The following PKP2 variants were observed in gnomAD, a reference collection of about 807,000 sequenced individuals.
The protein encoded by PKP2 is plakophilin-2.
Under a neutral mutation model 83.4 loss-of-function variants are expected in PKP2, and 73 were observed. The ratio of observed to expected loss-of-function variants is 0.88; its 90% CI spans 0.72 to 1.06. The LOEUF (loss-of-function observed/expected upper bound fraction) is 1.06. Ranked by LOEUF, PKP2 falls within the 50% of genes least tolerant of loss-of-function variation. The pLI is 0.00. For synonymous variants in PKP2, 409 were observed against 430.4 expected (o/e 0.95, Z 0.62); for missense variants, 966 against 1,065.4 (o/e 0.91, Z 1.30).
At chr12:32,829,817 C>T (rs774604747) in intron 6 of PKP2, among the ~76,000 whole-genome samples, 1 of 152,014 alleles carries the variant, frequency 6.6e-6, no homozygotes, top group Non-Finnish European at 1.5e-5. Flanking sequence ...TGTGCCACTG[C>T]GCCCAGCTAA....
chr12:32,840,539 T>A (rs1956580289), intron 6 of PKP2, among the ~76,000 whole-genome samples: 5 of 152,120 alleles, frequency 3.3e-5, no homozygotes, highest in Admixed American at 3.3e-4. Context: ...CCTCAACTGA[T>A]CCTTCTGCCT....
At chr12:32,889,120 C>T (rs972489753) in intron 1 of PKP2, among the ~76,000 whole-genome samples, 2 of 151,984 alleles carry the variant, frequency 1.3e-5, no homozygotes, top group East Asian at 3.9e-4. Context: ...CTATAAGGGA[C>T]ACAACTGAAC....
chr12:32,853,986 A>G (rs1956723665), intron 4 of PKP2, among the ~76,000 whole-genome samples: 1 of 152,254 alleles, frequency 6.6e-6, no homozygotes, highest in Non-Finnish European at 1.5e-5. Flanking sequence ...TTCACACTTT[A>G]TAAGCTTCAT....
intron 5 of PKP2, among the ~76,000 whole-genome samples, chr12:32,846,675 G>T (rs1035307387): frequency 6.6e-6 from 1 of 150,406 alleles, no homozygotes; most frequent in African/African-American, 2.5e-5. Context: ...AATCTGGGAG[G>T]CAGAGGTTGC....
chr12:32,797,334 T>G (rs1455792480), intron 10 of PKP2, among the ~76,000 whole-genome samples: 1 of 147,930 alleles, frequency 6.8e-6, no homozygotes, highest in East Asian at 2.1e-4. Context: ...TAGTCCCTGC[T>G]ACTCAGGAGG....
At chr12:32,838,824 G>C (rs118012748) in intron 6 of PKP2, among the ~76,000 whole-genome samples, 1 of 152,214 alleles carries the variant, frequency 6.6e-6, no homozygotes, top group Admixed American at 6.5e-5. Context: ...GACAAAATCA[G>C]TAACAGTGGT....
At chr12:32,821,639 A>G (rs763925737) in intron 8 of PKP2, 110 bp from the exon 9 acceptor site, 2 of 1,035,206 alleles carry the variant, frequency 1.9e-6, no homozygotes, top group Non-Finnish European at 2.9e-6. Context: ...CATAATTTGC[A>G]TAAGAAGCCC....
chr12:32,821,454 T>C lies in PKP2; in HGVS notation c.1915A>G (p.Ile639Val), dbSNP rs1956376437. ...GCGATCAAGGACAGATACATCCTTATAACAATGGAATGCCACAGCCACTCC... is the reference window on the plus strand; with the variant it reads ...GCGATCAAGGACAGATACATCCTTACAACAATGGAATGCCACAGCCACTCC... ...GVEWLWHSIV[I>V]RMYLSLIAKS... The change falls in exon 9 of 13, where the codon ATA becomes GTA. Residue 639 changes from isoleucine to valine, a missense_variant. By Grantham distance (29) the Ile-to-Val change is conservative. Transcript: ENST00000340811. 1.9e-6 allele frequency: 3 copies of C among 1,614,084 alleles called. No individual in the cohort carries two copies. The East Asian group carries it at 6.7e-5, about 36-fold the overall frequency.
intron 4 of PKP2, among the ~76,000 whole-genome samples, chr12:32,864,516 C>G: frequency 6.6e-6 from 1 of 151,974 alleles, no homozygotes; most frequent in East Asian, 1.9e-4. Context: ...TAAAACTCTG[C>G]TGAGAAAAAC....
At chr12:32,816,785 G>A (rs1276960787) in intron 9 of PKP2, among the ~76,000 whole-genome samples, 1 of 148,598 alleles carries the variant, frequency 6.7e-6, no homozygotes, top group Non-Finnish European at 1.5e-5. Context: ...GCCATTCTAA[G>A]TGGTATGAGA....
In PKP2 at chr12:32,796,167, G is replaced by A. The variant is rs139734328; in HGVS notation, c.2299C>T (p.Arg767Cys). 5.6e-5 allele frequency: 90 copies of A among 1,614,046 alleles called. No homozygotes were observed. The highest frequency in any genetic ancestry group is 8.3e-5 in the Admixed American group (5 of 60,006). The change falls in exon 11 of 13, where the codon CGC becomes TGC. Residue 767 changes from arginine (R) to cysteine (C), a missense_variant. Arg to Cys is a radical substitution (Grantham distance 180, BLOSUM62 -3). Transcript: ENST00000340811. ...NIIQNSYQNA[R>C]DLLNTGGIQK... is the part of the protein sequence containing the mutation. Reference sequence around the variant, plus strand: ...ATGCCCCCGGTGTTTAGAAGGTCGCGTGCATTCTGGTAACTGTTTTGGATT... The same window carrying A: ...ATGCCCCCGGTGTTTAGAAGGTCGCATGCATTCTGGTAACTGTTTTGGATT...
intron 6 of PKP2, among the ~76,000 whole-genome samples, chr12:32,825,941 C>T (rs192083333): frequency 4.7e-4 from 71 of 152,070 alleles, no homozygotes; most frequent in African/African-American, 1.7e-3. Flanking sequence ...TTCCAAAAGG[C>T]CTTCTGCCTC....
In PKP2 at chr12:32,841,149, C is replaced by A. The variant is rs766622938; in HGVS notation, c.1435G>T (p.Ala479Ser). 5.0e-6 allele frequency: 8 copies of A among 1,613,476 alleles called. No individual in the cohort carries two copies. In the East Asian group the frequency reaches 1.1e-4, roughly 22 times the overall value. ...ATATTCTCCGTCAGCGTAAGCAATG[C>A]TTCTGTTATCATGAGATTCTTGAGT... is the stretch of plus-strand genomic sequence containing the variant. The part of the protein sequence containing the change: ...DKLKNLMITE[A>S]LLTLTENIII... Residue 479 changes from alanine to serine, a missense_variant, in exon 6 of 13, where the codon GCA (alanine) becomes TCA (serine). Transcript: ENST00000340811.
chr12:32,875,024 C>G (rs11612954), intron 3 of PKP2, among the ~76,000 whole-genome samples: 1 of 152,036 alleles, frequency 6.6e-6, no homozygotes, highest in Admixed American at 6.5e-5. Flanking sequence ...GCTAGGATTA[C>G]AGATGTGAGC....
At chr12:32,845,325 G>A (rs1473243218) in intron 5 of PKP2, among the ~76,000 whole-genome samples, 1 of 152,164 alleles carries the variant, frequency 6.6e-6, no homozygotes, top group Non-Finnish European at 1.5e-5. Context: ...GCCGAGGGGG[G>A]CGGATCACGA....
intron 5 of PKP2, among the ~76,000 whole-genome samples, chr12:32,842,875 A>T (rs1956609032): frequency 6.6e-6 from 1 of 151,682 alleles, no homozygotes; most frequent in Admixed American, 6.6e-5. Flanking sequence ...GGGTTTCACC[A>T]TGTTGGCCAG....
intron 5 of PKP2, among the ~76,000 whole-genome samples, chr12:32,849,494 C>T (rs1257108113): frequency 6.6e-6 from 1 of 152,234 alleles, no homozygotes; most frequent in Non-Finnish European, 1.5e-5. Flanking sequence ...GCTGGGATTA[C>T]AGGCATGAGC....
intron 11 of PKP2, 63 bp from the exon 12 acceptor site, chr12:32,792,794 G>T: frequency 7.7e-7 from 1 of 1,295,762 alleles, no homozygotes; most frequent in Non-Finnish European, 1.1e-6. Context: ...TGCGGCCTGT[G>T]GGTGTTCTGT....
In PKP2 at chr12:32,812,573, G is replaced by T. The variant is rs1469229849; in HGVS notation, c.2013+8783C>A. ...GCTGGAGTGCAGTGGCATGATCTTGGCTCACTGCAACCTCTGCCTCCTGGG... is the reference window on the plus strand; with the variant it reads ...GCTGGAGTGCAGTGGCATGATCTTGTCTCACTGCAACCTCTGCCTCCTGGG... On this transcript the variant is annotated intron_variant, in intron 9 of 12. Transcript: ENST00000340811. Among the ~76,000 whole-genome samples the T allele has an allele frequency of 3.9e-5, 6 of 152,006 alleles. No homozygotes were observed. The South Asian group carries it at 8.3e-4, about 21-fold the overall frequency.
Sources: gnomAD v4.1 joint callset for allele counts (sites outside exome capture counted in the v4.1 genomes callset) on GRCh38, gnomAD v4.1.1 for gene constraint, MANE v1.5 for transcripts, NCBI Gene and HGNC (gene_info 2026-07-23, HGNC 2026-07-21) for gene names.